The following CERS3 variants were observed in gnomAD, a reference collection of about 807,000 sequenced individuals.
CERS3 encodes the protein LAG1 homolog, ceramide synthase 3.
Under a neutral mutation model 50.3 loss-of-function variants are expected in CERS3, and 33 were observed. The ratio of observed to expected loss-of-function variants is 0.66; its 90% confidence interval spans 0.50 to 0.88. CERS3 has a LOEUF of 0.88. Ranked by LOEUF, CERS3 falls within the 40% of genes least tolerant of loss-of-function variation. The pLI, the probability that CERS3 is intolerant of heterozygous loss-of-function variation, is 0.00. For synonymous variants in CERS3, 176 were observed against 155.2 expected (o/e 1.13, Z -0.99); for missense variants, 470 against 460.3 (o/e 1.02, Z -0.19).
Position 100,417,825 on chromosome 15 carries a change from A to G in CERS3, c.1000-14960T>C, listed in dbSNP as rs181854320. ...GGCACCCCCCAGCAAGGGCACACTG[A>G]CACCTCACACAGCAGGGTATTCCAA... On this transcript the variant is annotated intron_variant, in intron 11 of 11. Transcript: ENST00000679737. 3.5e-3 allele frequency among the ~76,000 whole-genome samples: 528 copies of G among 151,908 alleles called. 13 individuals are homozygous for G. Among genetic ancestry groups the G allele is most frequent in the African/African-American group, 0.012 (484 of 41,180 alleles).
At chr15:100,455,817 T>A (rs2034347571) in intron 11 of CERS3, 76 bp downstream of exon 11, 1 of 909,900 alleles carries the variant, frequency 1.1e-6, no homozygotes, top group Non-Finnish European at 1.5e-6. Flanking sequence ...TGAATTAACT[T>A]GAACATTCAA....
chr15:100,487,533 T>G (rs2035524239), intron 4 of CERS3, among the ~76,000 whole-genome samples: 2 of 152,176 alleles, frequency 1.3e-5, no homozygotes, highest in South Asian at 4.1e-4. Flanking sequence ...ACAATTTGTA[T>G]TTTTAGCCTC....
At chr15:100,474,835 A>G (rs2035077502) in intron 8 of CERS3, among the ~76,000 whole-genome samples, 1 of 152,256 alleles carries the variant, frequency 6.6e-6, no homozygotes, top group South Asian at 2.1e-4. Flanking sequence ...TCAAGATGTT[A>G]GTGCGTGGTG....
chr15:100,443,820 C>T (rs940597808), intron 11 of CERS3, among the ~76,000 whole-genome samples: 6 of 152,182 alleles, frequency 3.9e-5, no homozygotes, highest in African/African-American at 4.8e-5. Flanking sequence ...AACTCCTTTC[C>T]TTCCTAGGCA....
intron 10 of CERS3, among the ~76,000 whole-genome samples, chr15:100,468,446 G>C (rs995281379): frequency 6.6e-6 from 1 of 152,202 alleles, no homozygotes; most frequent in South Asian, 2.1e-4. Context: ...AAAGAATGCA[G>C]CTGGCTTCCA....
At chr15:100,473,814 G>A (rs1017302002) in intron 8 of CERS3, among the ~76,000 whole-genome samples, 2 of 152,164 alleles carry the variant, frequency 1.3e-5, no homozygotes, top group African/African-American at 4.8e-5. Context: ...GAAAACATAT[G>A]TTCATGCAAA....
intron 11 of CERS3, among the ~76,000 whole-genome samples, chr15:100,439,703 G>C (rs1282444118): frequency 3.3e-5 from 5 of 152,190 alleles, no homozygotes; most frequent in Non-Finnish European, 5.9e-5. Context: ...TTCAAATAGT[G>C]TTCTTTAAAA....
intron 11 of CERS3, among the ~76,000 whole-genome samples, chr15:100,441,766 G>A (rs959607508): frequency 2.6e-5 from 4 of 151,214 alleles, no homozygotes; most frequent in African/African-American, 9.7e-5. Context: ...ACGGTCTGAG[G>A]TGCCTGACGT....
At chr15:100,542,806 CAT>C (rs56909968) in intron 1 of CERS3, among the ~76,000 whole-genome samples, 17,938 of 151,164 alleles carry the variant, frequency 0.12, 1,413 homozygotes, top group African/African-American at 0.22. Flanking sequence ...TGAACATATA[CAT>C]ATATATATAT....
At chr15:100,473,302 AAC>A (rs575869683) in intron 8 of CERS3, among the ~76,000 whole-genome samples, 3 of 152,294 alleles carry the variant, frequency 2.0e-5, no homozygotes, top group African/African-American at 7.2e-5. Flanking sequence ...ACTGCCCCCC[AAC>A]ACACAATAAA....
intron 11 of CERS3, among the ~76,000 whole-genome samples, chr15:100,449,325 A>G (rs2142177446): frequency 6.6e-6 from 1 of 152,312 alleles, no homozygotes; most frequent in Non-Finnish European, 1.5e-5. Flanking sequence ...TGGGAGCCAG[A>G]GGATTGTTAA....
At chr15:100,450,608 G>A (rs2034127428) in intron 11 of CERS3, among the ~76,000 whole-genome samples, 1 of 152,050 alleles carries the variant, frequency 6.6e-6, no homozygotes, top group South Asian at 2.1e-4. Context: ...TTTCAGAGGT[G>A]AAAATAAAAT....
intron 1 of CERS3, among the ~76,000 whole-genome samples, chr15:100,540,850 A>T (rs1000360873): frequency 6.6e-6 from 1 of 152,196 alleles, no homozygotes. Flanking sequence ...TCTGAGGATG[A>T]TATCAAACTC....
At chr15:100,427,710 G>A (rs2587824) in intron 11 of CERS3, among the ~76,000 whole-genome samples, 41,893 of 152,098 alleles carry the variant, frequency 0.28, 5,959 homozygotes, top group East Asian at 0.42. Context: ...CTACAAAGCC[G>A]AATGAAATTT....
chr15:100,440,804 C>T (rs747135599), intron 11 of CERS3, among the ~76,000 whole-genome samples: 1 of 152,250 alleles, frequency 6.6e-6, no homozygotes, highest in African/African-American at 2.4e-5. Flanking sequence ...CGCTATCCCT[C>T]AACCTCTTTC....
intron 1 of CERS3, among the ~76,000 whole-genome samples, chr15:100,522,953 A>G (rs1596810066): frequency 6.6e-6 from 1 of 152,224 alleles, no homozygotes; most frequent in East Asian, 1.9e-4. Flanking sequence ...CCAGTGACGT[A>G]TGAGAGTTCC....
In CERS3 at chr15:100,491,323, T is replaced by C. The variant is rs191389166; in HGVS notation, c.174-392A>G. ...GAAATTACTACATTCCCATTTCAAG[T>C]TCTAACATACGAAAAAATGGCACAA... On this transcript the variant is annotated intron_variant, in intron 3 of 11. Transcript: ENST00000679737. Among the ~76,000 whole-genome samples the C allele has an allele frequency of 1.1e-4, 16 of 152,310 alleles. No individual in the cohort carries two copies. The South Asian group carries it at 2.7e-3, about 26-fold the overall frequency.
At chr15:100,448,065 C>T (rs1282690101) in intron 11 of CERS3, among the ~76,000 whole-genome samples, 3 of 152,096 alleles carry the variant, frequency 2.0e-5, no homozygotes, top group South Asian at 2.1e-4. Context: ...CGGGGGAGAG[C>T]GTTATGTGCA....
intron 11 of CERS3, among the ~76,000 whole-genome samples, chr15:100,403,485 G>T (rs1207957430): frequency 6.6e-6 from 1 of 152,032 alleles, no homozygotes; most frequent in Non-Finnish European, 1.5e-5. Flanking sequence ...TCTTTGAAAA[G>T]ATCTAATAAC....
Sources: gnomAD v4.1 joint callset for allele counts (sites outside exome capture counted in the v4.1 genomes callset) on GRCh38, gnomAD v4.1.1 for gene constraint, MANE v1.5 for transcripts, NCBI Gene and HGNC (gene_info 2026-07-23, HGNC 2026-07-21) for gene names.